Variants in NXPH1 observed in about 807,000 individuals in gnomAD.
NXPH1 encodes the protein neurexophilin-1.
Under a neutral mutation model 23.7 loss-of-function variants are expected in NXPH1, and 5 were observed. The ratio of observed to expected loss-of-function variants is 0.21; its 90% CI spans 0.11 to 0.44. NXPH1 has a LOEUF of 0.44. NXPH1 is among the 20% of genes least tolerant of loss of function. The pLI, the probability that NXPH1 is intolerant of heterozygous loss-of-function variation, is 0.99. For missense variants in NXPH1, 324 were observed against 321.6 expected (o/e 1.01, Z -0.06); for synonymous variants, 144 against 122.2 (o/e 1.18, Z -1.18).
At chr7:8,630,969 C>G (rs1011520430) in intron 2 of NXPH1, among the ~76,000 whole-genome samples, 2 of 152,100 alleles carry the variant, frequency 1.3e-5, no homozygotes, top group African/African-American at 4.8e-5. Context: ...TTGTTCCCCT[C>G]TATGTGTTCA....
intron 2 of NXPH1, among the ~76,000 whole-genome samples, chr7:8,740,141 C>T (rs550066246): frequency 3.3e-4 from 51 of 152,282 alleles, no homozygotes; most frequent in African/African-American, 1.1e-3. Context: ...CCTTATTTTC[C>T]TTTCTCCTTC....
At chr7:8,488,590 C>A (rs1817200406) in intron 2 of NXPH1, among the ~76,000 whole-genome samples, 1 of 152,094 alleles carries the variant, frequency 6.6e-6, no homozygotes, top group Non-Finnish European at 1.5e-5. Context: ...TATTTTGTGC[C>A]TTTTATTCTA....
intron 2 of NXPH1, among the ~76,000 whole-genome samples, chr7:8,746,581 T>G (rs1050951124): frequency 3.3e-5 from 5 of 152,246 alleles, no homozygotes; most frequent in African/African-American, 9.6e-5. Flanking sequence ...AATATATGCT[T>G]GCTTTCTTTC....
intron 2 of NXPH1, among the ~76,000 whole-genome samples, chr7:8,721,066 A>G (rs1779962221): frequency 6.6e-6 from 1 of 152,224 alleles, no homozygotes; most frequent in Non-Finnish European, 1.5e-5. Context: ...GAATAATGGC[A>G]ATAGGTTAAA....
intron 2 of NXPH1, among the ~76,000 whole-genome samples, chr7:8,591,111 C>G (rs1819085704): frequency 6.6e-6 from 1 of 152,028 alleles, no homozygotes; most frequent in African/African-American, 2.4e-5. Context: ...TTTCTCACAC[C>G]TACAGTTACC....
intron 2 of NXPH1, among the ~76,000 whole-genome samples, chr7:8,674,381 T>A (rs1033933538): frequency 6.6e-6 from 1 of 152,192 alleles, no homozygotes; most frequent in Non-Finnish European, 1.5e-5. Flanking sequence ...TCAAAGTATA[T>A]TCACTTCCCG....
chr7:8,655,451 T>TACACAAAC (rs1820563017), intron 2 of NXPH1, among the ~76,000 whole-genome samples: 1 of 139,098 alleles, frequency 7.2e-6, no homozygotes, highest in African/African-American at 2.8e-5. Flanking sequence ...TCTCTCTCTA[T>TACACAAAC]ACACACACAC....
intron 2 of NXPH1, among the ~76,000 whole-genome samples, chr7:8,592,217 T>C (rs1819113076): frequency 6.6e-6 from 1 of 151,978 alleles, no homozygotes; most frequent in African/African-American, 2.4e-5. Flanking sequence ...GGAAGGTGTA[T>C]ACTCATTATG....
At chr7:8,576,654 T>C (rs1028056896) in intron 2 of NXPH1, among the ~76,000 whole-genome samples, 1 of 152,036 alleles carries the variant, frequency 6.6e-6, no homozygotes, top group African/African-American at 2.4e-5. Context: ...AGATCGTACA[T>C]GACTTTGTGG....
intron 2 of NXPH1, among the ~76,000 whole-genome samples, chr7:8,514,845 T>G (rs71534608): frequency 0.013 from 1,938 of 152,236 alleles, 27 homozygotes; most frequent in Non-Finnish European, 0.022. Context: ...GTAGTTCAGT[T>G]GAGATGATTT....
chr7:8,613,928 T>A (rs1020521197), intron 2 of NXPH1, among the ~76,000 whole-genome samples: 1 of 151,910 alleles, frequency 6.6e-6, no homozygotes, highest in African/African-American at 2.4e-5. Context: ...CATAAAATTA[T>A]ATCATAAATC....
chr7:8,539,667 GA>G (rs1239228588), intron 2 of NXPH1, among the ~76,000 whole-genome samples: 1 of 151,586 alleles, frequency 6.6e-6, no homozygotes, highest in Non-Finnish European at 1.5e-5. Context: ...GTTAATGCTG[GA>G]AATAAAGCAT....
chr7:8,725,489 C>CA (rs57404484), intron 2 of NXPH1, among the ~76,000 whole-genome samples: 28,376 of 105,450 alleles, frequency 0.27, 3,257 homozygotes, highest in Middle Eastern at 0.46. Flanking sequence ...GATTCTGTCT[C>CA]AAAAAAAAAA....
chr7:8,626,404 A>C (rs1486651160), intron 2 of NXPH1, among the ~76,000 whole-genome samples: 2 of 150,490 alleles, frequency 1.3e-5, no homozygotes, highest in African/African-American at 4.9e-5. Flanking sequence ...TTTTTTGGCA[A>C]CTTCAAATAC....
At chr7:8,693,545 C>T (rs1821255155) in intron 2 of NXPH1, among the ~76,000 whole-genome samples, 1 of 152,212 alleles carries the variant, frequency 6.6e-6, no homozygotes, top group African/African-American at 2.4e-5. Flanking sequence ...TTTGTTTCCT[C>T]ATCTCTAAGG....
chr7:8,546,217 G>A (rs1001389512), intron 2 of NXPH1, among the ~76,000 whole-genome samples: 3 of 151,310 alleles, frequency 2.0e-5, no homozygotes, highest in African/African-American at 7.3e-5. Context: ...CTGGAGTTGG[G>A]TTTTCTTCCT....
chr7:8,706,609 T>C (rs1387316185), intron 2 of NXPH1, among the ~76,000 whole-genome samples: 1 of 152,214 alleles, frequency 6.6e-6, no homozygotes, highest in African/African-American at 2.4e-5. Context: ...TGGTTGTCAG[T>C]TGGCCTCTCT....
chr7:8,604,653 C>CTA (rs1456537569), intron 2 of NXPH1, among the ~76,000 whole-genome samples: 1 of 152,036 alleles, frequency 6.6e-6, no homozygotes, highest in Non-Finnish European at 1.5e-5. Context: ...TTTTATCATA[C>CTA]TATATATGCC....
At chr7:8,593,634 G>A (rs569594581) in intron 2 of NXPH1, among the ~76,000 whole-genome samples, 1 of 152,166 alleles carries the variant, frequency 6.6e-6, no homozygotes, top group Admixed American at 6.6e-5. Flanking sequence ...GAAAAAGCTT[G>A]AAGAAATTCA....
Sources: allele counts gnomAD v4.1 joint callset (sites outside exome capture counted in the v4.1 genomes callset), GRCh38; gene constraint gnomAD v4.1.1; transcripts MANE v1.5; gene names NCBI Gene and HGNC (gene_info 2026-07-23, HGNC 2026-07-21).